Variants in JAZF1 observed in about 807,000 individuals in gnomAD.
JAZF1 encodes the protein juxtaposed with another zinc finger protein 1.
JAZF1 carries 8 observed loss-of-function variants against 26.4 expected under a neutral mutation model. That is an observed-to-expected ratio of 0.30 (90% confidence interval 0.18 to 0.55). JAZF1 has a LOEUF of 0.55. JAZF1 is among the 20% of genes least tolerant of loss of function. The probability of loss-of-function intolerance (pLI) is 0.94; values close to 1 mark genes in which losing one functional copy is unlikely to be tolerated. For synonymous variants in JAZF1, 126 were observed against 122.3 expected, an observed-to-expected ratio of 1.03 and a Z score of -0.20; for missense variants, 199 against 322.0, an observed-to-expected ratio of 0.62 and a Z score of 2.92.
At chr7:27,862,725 G>A (rs1373242364) in intron 3 of JAZF1, among the ~76,000 whole-genome samples, 4 of 152,236 alleles carry the variant, frequency 2.6e-5, no homozygotes, top group Non-Finnish European at 5.9e-5. Context: ...CAGCTTCCAC[G>A]CTTCTGTTGC....
chr7:28,155,687 T>A (rs1783171477), intron 1 of JAZF1, among the ~76,000 whole-genome samples: 1 of 152,048 alleles, frequency 6.6e-6, no homozygotes, highest in African/African-American at 2.4e-5. Flanking sequence ...CCACCTAAAT[T>A]CAGAATTATC....
intron 1 of JAZF1, among the ~76,000 whole-genome samples, chr7:28,036,551 T>C (rs535860927): frequency 1.3e-5 from 2 of 152,214 alleles, no homozygotes; most frequent in Non-Finnish European, 2.9e-5. Context: ...ACAGAGCATC[T>C]TGAAAAAGGC....
At chr7:27,958,930 G>A (rs1021486603) in intron 2 of JAZF1, among the ~76,000 whole-genome samples, 1 of 152,148 alleles carries the variant, frequency 6.6e-6, no homozygotes, top group Non-Finnish European at 1.5e-5. Context: ...AGCGGTAATT[G>A]GTTTTACTAG....
At chr7:28,039,989 GGA>G (rs1470185901) in intron 1 of JAZF1, among the ~76,000 whole-genome samples, 1 of 152,068 alleles carries the variant, frequency 6.6e-6, no homozygotes, top group African/African-American at 2.4e-5. Flanking sequence ...TAAGCCCTGT[GGA>G]AATGGCAGGT....
chr7:27,871,112 A>G (rs1399150528), intron 3 of JAZF1, among the ~76,000 whole-genome samples: 4 of 152,228 alleles, frequency 2.6e-5, no homozygotes, highest in African/African-American at 9.6e-5. Context: ...GGAAATAAAA[A>G]GGAGAGATTT....
At chr7:28,021,095 G>A (rs1190679744) in intron 1 of JAZF1, among the ~76,000 whole-genome samples, 2 of 152,098 alleles carry the variant, frequency 1.3e-5, no homozygotes, top group African/African-American at 4.8e-5. Flanking sequence ...ACCTCAGAGG[G>A]CCCACGGTCC....
chr7:27,998,025 AGAAGGAAGGAAGGAAGGAAG>A (rs199643152), intron 1 of JAZF1, among the ~76,000 whole-genome samples: 1 of 111,216 alleles, frequency 9.0e-6, no homozygotes, highest in African/African-American at 3.4e-5. Flanking sequence ...AATGGGGGGA[AGAAGGAAGGAAGGAAGGAAG>A]GAAGGAAGGA....
intron 1 of JAZF1, among the ~76,000 whole-genome samples, chr7:28,024,796 C>T (rs1257151624): frequency 1.3e-5 from 2 of 152,104 alleles, no homozygotes; most frequent in African/African-American, 2.4e-5. Flanking sequence ...GATCATGAAA[C>T]GCAGACAGAA....
At chr7:28,164,172 C>A (rs1457017330) in intron 1 of JAZF1, among the ~76,000 whole-genome samples, 2 of 152,192 alleles carry the variant, frequency 1.3e-5, no homozygotes, top group Non-Finnish European at 2.9e-5. Flanking sequence ...TGACCAGCAG[C>A]CTAACACAGA....
chr7:27,833,060 C>T (rs1056801177), intron 4 of JAZF1, 84 bp from the exon 5 acceptor site: 8 of 1,100,352 alleles, frequency 7.3e-6, no homozygotes, highest in East Asian at 2.7e-5. Flanking sequence ...GTCTGGATTG[C>T]AGTTCCTGGA....
intron 2 of JAZF1, among the ~76,000 whole-genome samples, chr7:27,905,651 AC>A (rs1784242824): frequency 6.6e-6 from 1 of 151,592 alleles, no homozygotes; most frequent in Non-Finnish European, 1.5e-5. Context: ...GATATTCCAT[AC>A]CTTTTTTAGT....
Position 28,138,972 on chromosome 7 carries a change from C to A in JAZF1, c.115+41491G>T, listed in dbSNP as rs112564657. The stretch of plus-strand genomic sequence containing the variant: ...ACATAAATATGAATGACTTGGTGAA[C>A]TGGCTAATTAATTAGGTCAAGGTAG... On this transcript the variant is annotated intron_variant, in intron 1 of 4. Transcript: ENST00000283928. 4.0e-3 allele frequency among the ~76,000 whole-genome samples: 602 copies of A among 151,136 alleles called. 6 individuals are homozygous for A. Among genetic ancestry groups the A allele is most frequent in the African/African-American group, 0.014 (574 of 41,176 alleles).
chr7:27,913,448 C>A (rs956707965), intron 2 of JAZF1: 6 of 420,938 alleles, frequency 1.4e-5, no homozygotes, highest in South Asian at 1.0e-4. Context: ...GTCTCATCTC[C>A]GCTGTCTGTG....
At chr7:27,844,963 C>T (rs1203783903) in intron 3 of JAZF1, among the ~76,000 whole-genome samples, 1 of 152,226 alleles carries the variant, frequency 6.6e-6, no homozygotes, top group Non-Finnish European at 1.5e-5. Flanking sequence ...CCTGTCTAAA[C>T]TCCACCCTAT....
chr7:27,983,603 C>T (rs959392536), intron 2 of JAZF1, among the ~76,000 whole-genome samples: 1 of 152,126 alleles, frequency 6.6e-6, no homozygotes, highest in African/African-American at 2.4e-5. Flanking sequence ...CAGAGAACGC[C>T]ACAAAGATAC....
At chr7:28,041,104 AAAATG>A (rs1176892556) in intron 1 of JAZF1, among the ~76,000 whole-genome samples, 1 of 152,220 alleles carries the variant, frequency 6.6e-6, no homozygotes, top group Non-Finnish European at 1.5e-5. Context: ...TTTAAAAATT[AAAATG>A]TGTGTAATCA....
intron 2 of JAZF1, among the ~76,000 whole-genome samples, chr7:27,916,102 G>A (rs923239887): frequency 3.3e-5 from 5 of 152,140 alleles, no homozygotes; most frequent in African/African-American, 4.8e-5. Flanking sequence ...ACCCTAGTGA[G>A]CTGGAATTCT....
chr7:28,059,561 C>T (rs1029149867), intron 1 of JAZF1, among the ~76,000 whole-genome samples: 5 of 152,140 alleles, frequency 3.3e-5, no homozygotes, highest in Non-Finnish European at 7.4e-5. Context: ...AATTTACCCA[C>T]ATATTTACCA....
At chr7:27,981,553 G>GA (rs1285403601) in intron 2 of JAZF1, among the ~76,000 whole-genome samples, 2 of 152,186 alleles carry the variant, frequency 1.3e-5, no homozygotes, top group Non-Finnish European at 2.9e-5. Flanking sequence ...AGTAGATTAT[G>GA]AAGTAGTATG....
Sources: gnomAD v4.1 joint callset for allele counts (sites outside exome capture counted in the v4.1 genomes callset) on GRCh38, gnomAD v4.1.1 for gene constraint, MANE v1.5 for transcripts, NCBI Gene and HGNC (gene_info 2026-07-23, HGNC 2026-07-21) for gene names.